Variants in ZNF652 observed in about 807,000 individuals in gnomAD.
The protein encoded by ZNF652 is zinc finger protein 652.
ZNF652 carries 16 observed loss-of-function variants against 45.2 expected under a neutral mutation model. That is an observed-to-expected ratio of 0.35 (90% CI 0.24 to 0.54). The LOEUF (loss-of-function observed/expected upper bound fraction) is 0.54. ZNF652 is among the 20% of genes least tolerant of loss of function. The pLI, the probability that ZNF652 is intolerant of heterozygous loss-of-function variation, is 0.91. For synonymous variants in ZNF652, 250 were observed against 260.6 expected (o/e 0.96, Z 0.39); for missense variants, 614 against 765.6 (o/e 0.80, Z 2.34).
intron 5 of ZNF652, among the ~76,000 whole-genome samples, chr17:49,309,151 T>G (rs972105510): frequency 6.6e-6 from 1 of 151,864 alleles, no homozygotes; most frequent in African/African-American, 2.4e-5. Flanking sequence ...AGCATCTATG[T>G]GCCAAGCAGT....
chr17:49,351,026 C>CTGTGT (rs1567700354), intron 1 of ZNF652, among the ~76,000 whole-genome samples: 1 of 89,080 alleles, frequency 1.1e-5, no homozygotes, highest in Non-Finnish European at 2.1e-5. Context: ...CACACACACA[C>CTGTGT]ACACACACAC....
At position 49,336,000 on chromosome 17, in the gene ZNF652, C is replaced by T. The variant is rs182739861; in HGVS notation, c.-258-18017G>A. Among the ~76,000 whole-genome samples the T allele has an allele frequency of 4.1e-4, 63 of 151,848 alleles. No individual in the cohort carries two copies. In the East Asian group the frequency reaches 7.9e-3, roughly 19 times the overall value. On this transcript the variant is annotated intron_variant, in intron 1 of 5. Transcript: ENST00000430262. ...TAGAAGAAATCCATGAAGCCTAAGA[C>T]CTGTCATATCTATTGTTACCTTTAC...
chr17:49,305,987 C>G (rs970559438), intron 5 of ZNF652, among the ~76,000 whole-genome samples: 1 of 152,214 alleles, frequency 6.6e-6, no homozygotes, highest in Admixed American at 6.5e-5. Context: ...TCCGCATCCC[C>G]TTCCTTCTCT....
chr17:49,303,525 C>A (rs2069584005), intron 5 of ZNF652, among the ~76,000 whole-genome samples: 1 of 152,092 alleles, frequency 6.6e-6, no homozygotes, highest in Non-Finnish European at 1.5e-5. Context: ...CAGGTGTGAG[C>A]CACTGCGCCT....
chr17:49,328,302 G>T (rs2069988192), intron 1 of ZNF652, among the ~76,000 whole-genome samples: 1 of 151,988 alleles, frequency 6.6e-6, no homozygotes, highest in South Asian at 2.1e-4. Context: ...AAGTGGGAAG[G>T]TAAGAATGTT....
chr17:49,290,641 G>T lies in ZNF652; in HGVS notation c.*7772C>A, dbSNP rs2069393679. 6.6e-6 allele frequency: 1 copy of T among 152,194 alleles called. No individual in the cohort carries two copies. Among genetic ancestry groups the T allele is most frequent in the African/African-American group, 2.4e-5 (1 of 41,428 alleles). 9.4% of individuals were successfully genotyped at this position (152,194 alleles called of 1,614,324 possible). ...TTAGCACACAAAGGCGCCCCTATGGGAAGGTCCTGGCTTTCAATCTGGGGA... is the reference window on the plus strand; with the variant it reads ...TTAGCACACAAAGGCGCCCCTATGGTAAGGTCCTGGCTTTCAATCTGGGGA... On this transcript the variant is annotated 3_prime_UTR_variant, in exon 6 of 6. Coordinates refer to ENST00000430262, the MANE Select transcript of ZNF652 (RefSeq NM_001145365.3).
chr17:49,353,131 AATT>A (rs1419584183), intron 1 of ZNF652, among the ~76,000 whole-genome samples: 5 of 152,188 alleles, frequency 3.3e-5, no homozygotes, highest in African/African-American at 1.2e-4. Flanking sequence ...TTAAAAAATA[AATT>A]ATTTACTCAG....
intron 5 of ZNF652, among the ~76,000 whole-genome samples, chr17:49,299,886 A>G (rs35840338): frequency 1.2e-3 from 178 of 149,408 alleles, no homozygotes; most frequent in African/African-American, 4.3e-3. Context: ...GGGCCTCGGA[A>G]TTTTGCCCAG....
intron 1 of ZNF652, among the ~76,000 whole-genome samples, chr17:49,336,923 G>C (rs2070089151): frequency 6.9e-6 from 1 of 144,402 alleles, no homozygotes; most frequent in African/African-American, 2.6e-5. Flanking sequence ...CCCGGCCCCG[G>C]CCTACTTTTC....
Position 49,322,227 on chromosome 17 carries a change from T to C in ZNF652, c.-258-4244A>G, listed in dbSNP as rs367786217. 3.9e-5 allele frequency among the ~76,000 whole-genome samples: 6 copies of C among 152,238 alleles called. No homozygotes were observed. The East Asian group carries it at 5.8e-4, about 15-fold the overall frequency. On this transcript the variant is annotated intron_variant, in intron 1 of 5. Coordinates refer to ENST00000430262, the MANE Select transcript of ZNF652 (RefSeq NM_001145365.3). ...ATGCTATTAGTAAATAGGGAAATGATAGCAGAATAACTCAGAAATAATGTT... is the reference window on the plus strand; with the variant it reads ...ATGCTATTAGTAAATAGGGAAATGACAGCAGAATAACTCAGAAATAATGTT...
At chr17:49,300,363 C>G (rs2069535394) in intron 5 of ZNF652, among the ~76,000 whole-genome samples, 1 of 152,006 alleles carries the variant, frequency 6.6e-6, no homozygotes, top group South Asian at 2.1e-4. Context: ...GACCAGTGGG[C>G]CAGCGAGTCA....
At chr17:49,338,051 G>A (rs931123670) in intron 1 of ZNF652, among the ~76,000 whole-genome samples, 3 of 151,796 alleles carry the variant, frequency 2.0e-5, no homozygotes, top group Non-Finnish European at 4.4e-5. Flanking sequence ...GCAGTGGCGC[G>A]ATCATGACTC....
Position 49,294,474 on chromosome 17 carries a change from T to C in ZNF652, c.*3939A>G, listed in dbSNP as rs1425509639. 6.6e-5 allele frequency: 10 copies of C among 152,198 alleles called. No homozygotes were observed. The highest frequency in any genetic ancestry group is 2.4e-4 in the African/African-American group (10 of 41,448). 9.4% of individuals were successfully genotyped at this position (152,198 alleles called of 1,614,324 possible). A position where few individuals can be genotyped will look rare whatever the true frequency, so the allele number is the denominator to read the frequency against. The stretch of plus-strand genomic sequence containing the variant: ...AAAAATAAGAATCCAGTCACAAATA[T>C]ATGTGGAAATGAAGCCACATGCCTT... On this transcript the variant is annotated 3_prime_UTR_variant, in exon 6 of 6. Coordinates refer to ENST00000430262, the MANE Select transcript of ZNF652 (RefSeq NM_001145365.3).
chr17:49,346,094 G>C lies in ZNF652; in HGVS notation c.-259+15815C>G, dbSNP rs535450241. Among the ~76,000 whole-genome samples, 4 of 152,296 alleles carry C rather than the reference G, an allele frequency of 2.6e-5. No homozygotes were observed. In the East Asian group the frequency reaches 7.7e-4, roughly 29 times the overall value. ...CAACAGATAGGATTCCTGGTCTCAG[G>C]AGGCTTACAGTCTCACAATTAGTTT... On this transcript the variant is annotated intron_variant, in intron 1 of 5. Coordinates refer to ENST00000430262, the MANE Select transcript of ZNF652 (RefSeq NM_001145365.3).
At chr17:49,352,755 C>T (rs1388439171) in intron 1 of ZNF652, among the ~76,000 whole-genome samples, 3 of 152,136 alleles carry the variant, frequency 2.0e-5, no homozygotes, top group African/African-American at 4.8e-5. Flanking sequence ...TACGAATGTA[C>T]GTGATCTGTG....
In ZNF652 at chr17:49,362,009, G is replaced by C. The variant is rs1261268553; in HGVS notation, c.-359C>G. 1 of 149,590 alleles carries C rather than the reference G, an allele frequency of 6.7e-6. No homozygotes were observed. The highest frequency in any genetic ancestry group is 2.0e-4 in the East Asian group (1 of 5,116). 9.3% of individuals were successfully genotyped at this position (149,590 alleles called of 1,614,324 possible). On this transcript the variant is annotated 5_prime_UTR_variant, in exon 1 of 6. Coordinates refer to ENST00000430262, the MANE Select transcript of ZNF652 (RefSeq NM_001145365.3). ...CGCGGCGCTCGAGTCACAACCGCCG[G>C]CTGGGCCAGCCCCTCCCCCCCTGCC...
chr17:49,312,656 A>C, intron 3 of ZNF652, 42 bp downstream of exon 3: 1 of 1,597,096 alleles, frequency 6.3e-7, no homozygotes, highest in African/African-American at 1.3e-5. Context: ...ACAGAAGAAC[A>C]AGGGAAAATT....
intron 1 of ZNF652, among the ~76,000 whole-genome samples, chr17:49,327,733 ATATATATAT>A (rs1567690304): frequency 1.8e-4 from 1 of 5,556 alleles, no homozygotes; most frequent in African/African-American, 7.6e-4. Context: ...ATAAATAAAT[ATATATATAT>A]ATATATATAT....
At chr17:49,304,136 A>G (rs927438222) in intron 5 of ZNF652, among the ~76,000 whole-genome samples, 4 of 145,394 alleles carry the variant, frequency 2.8e-5, no homozygotes, top group African/African-American at 1.0e-4. Flanking sequence ...TCCTGACCTC[A>G]TGATTCGCCC....
Sources: allele counts gnomAD v4.1 joint callset (sites outside exome capture counted in the v4.1 genomes callset), GRCh38; gene constraint gnomAD v4.1.1; transcripts MANE v1.5; gene names NCBI Gene and HGNC (gene_info 2026-07-23, HGNC 2026-07-21).